Variants in PARD3B observed in about 807,000 individuals in gnomAD.
PARD3B encodes the protein partitioning defective 3 homolog B.
In PARD3B, 103 loss-of-function variants were observed where a neutral mutation model predicts 130.2. That is an observed-to-expected ratio of 0.79 (90% CI 0.67 to 0.93). PARD3B has a LOEUF of 0.93. Among genes scored for constraint, PARD3B ranks in the 40% least tolerant of loss-of-function variants. The pLI is 0.00. For synonymous variants in PARD3B, 583 were observed against 553.2 expected (o/e 1.05, Z -0.76); for missense variants, 1,609 against 1,499.2 (o/e 1.07, Z -1.21).
chr2:204,998,358 A>G (rs112018487), intron 3 of PARD3B, among the ~76,000 whole-genome samples: 31,106 of 69,686 alleles, frequency 0.45, 7,014 homozygotes, highest in Middle Eastern at 0.62. Context: ...ATATATATAT[A>G]TGTGTGTGTG....
intron 20 of PARD3B, among the ~76,000 whole-genome samples, chr2:205,483,101 C>CCT (rs1559136025): frequency 6.6e-6 from 1 of 152,066 alleles, no homozygotes; most frequent in Non-Finnish European, 1.5e-5. Context: ...CAAGTGCATG[C>CCT]CTCTCTCTCT....
chr2:205,059,069 G>A (rs1699909233), intron 4 of PARD3B, among the ~76,000 whole-genome samples: 1 of 151,804 alleles, frequency 6.6e-6, no homozygotes, highest in South Asian at 2.1e-4. Flanking sequence ...TTGGCTCTTA[G>A]GTTTAGGTCT....
At chr2:205,531,876 C>T (rs533689267) in intron 21 of PARD3B, among the ~76,000 whole-genome samples, 16 of 152,190 alleles carry the variant, frequency 1.1e-4, no homozygotes, top group East Asian at 5.8e-4. Context: ...ATGATTTGCA[C>T]GCTCTCCGCA....
At chr2:205,161,672 C>T (rs2034515001) in intron 11 of PARD3B, among the ~76,000 whole-genome samples, 1 of 152,182 alleles carries the variant, frequency 6.6e-6, no homozygotes, top group African/African-American at 2.4e-5. Context: ...ACACATGTAA[C>T]AGACTACAGT....
chr2:205,481,497 G>A (rs6760559), intron 20 of PARD3B, among the ~76,000 whole-genome samples: 12,454 of 152,230 alleles, frequency 0.082, 547 homozygotes, highest in African/African-American at 0.12. Context: ...AACCGGGCTC[G>A]TGGAAGAAGG....
intron 18 of PARD3B, among the ~76,000 whole-genome samples, chr2:205,311,229 T>A (rs546258923): frequency 6.6e-6 from 1 of 152,298 alleles, no homozygotes; most frequent in Admixed American, 6.5e-5. Context: ...TCTTTTTAAA[T>A]TTTTGAGTAA....
At chr2:204,741,243 C>A (rs1006389838) in intron 2 of PARD3B, among the ~76,000 whole-genome samples, 3 of 152,144 alleles carry the variant, frequency 2.0e-5, no homozygotes, top group African/African-American at 7.2e-5. Context: ...GAAAAAGATA[C>A]AATTAGTATT....
At chr2:204,550,983 G>A (rs773980540) in intron 1 of PARD3B, among the ~76,000 whole-genome samples, 25 of 152,262 alleles carry the variant, frequency 1.6e-4, no homozygotes, top group Non-Finnish European at 3.2e-4. Flanking sequence ...AATTGATTGG[G>A]CACTGACTTA....
chr2:204,687,635 G>C (rs987603739), intron 2 of PARD3B, among the ~76,000 whole-genome samples: 2 of 152,058 alleles, frequency 1.3e-5, no homozygotes, highest in African/African-American at 4.8e-5. Flanking sequence ...TTGGTCTCAG[G>C]GTAAATAAAA....
At chr2:204,895,128 T>TG (rs949607920) in intron 2 of PARD3B, among the ~76,000 whole-genome samples, 1 of 152,066 alleles carries the variant, frequency 6.6e-6, no homozygotes, top group Non-Finnish European at 1.5e-5. Flanking sequence ...GCATTTATGT[T>TG]GGGAAAAATC....
intron 10 of PARD3B, among the ~76,000 whole-genome samples, chr2:205,145,168 A>G (rs1358616439): frequency 6.6e-6 from 1 of 152,102 alleles, no homozygotes; most frequent in Non-Finnish European, 1.5e-5. Context: ...ACATATACCT[A>G]AACTTGAGGT....
intron 19 of PARD3B, among the ~76,000 whole-genome samples, chr2:205,433,290 T>C (rs938310632): frequency 6.6e-6 from 1 of 152,198 alleles, no homozygotes; most frequent in Admixed American, 6.5e-5. Context: ...CCCAGCACTT[T>C]GGGAGGCCAA....
intron 3 of PARD3B, among the ~76,000 whole-genome samples, chr2:205,024,745 T>G (rs1271817198): frequency 6.6e-6 from 1 of 152,208 alleles, no homozygotes; most frequent in African/African-American, 2.4e-5. Flanking sequence ...CCAGAGCAGA[T>G]TATGCATATC....
intron 21 of PARD3B, among the ~76,000 whole-genome samples, chr2:205,522,732 A>G (rs2051133699): frequency 6.6e-6 from 1 of 152,156 alleles, no homozygotes; most frequent in African/African-American, 2.4e-5. Flanking sequence ...ACCGATTATT[A>G]TACACACAAT....
rs1164677531 is a variant in PARD3B at position 205,564,467 on chromosome 2, T to C, written c.3260+11064T>C. Among the ~76,000 whole-genome samples, 1 of 152,260 alleles carries C rather than the reference T, an allele frequency of 6.6e-6. No individual in the cohort carries two copies. The highest frequency in any genetic ancestry group is 1.9e-4 in the East Asian group (1 of 5,198). ...TTTTGCTTAAAGACTGCCTCTGTGTTATGCTAGTGAGTTAAATATATATAC... is the reference window on the plus strand; with the variant it reads ...TTTTGCTTAAAGACTGCCTCTGTGTCATGCTAGTGAGTTAAATATATATAC... On this transcript the variant is annotated intron_variant, in intron 22 of 22. Transcript: ENST00000406610. The surrounding 1 kb of genome is among the most constrained non-coding windows in gnomAD (Gnocchi z 4.6).
At chr2:205,464,314 A>T (rs1439923915) in intron 20 of PARD3B, among the ~76,000 whole-genome samples, 1 of 152,210 alleles carries the variant, frequency 6.6e-6, no homozygotes, top group African/African-American at 2.4e-5. Context: ...TGAGCTACCT[A>T]AAAGTTGGTT....
chr2:205,137,989 G>C (rs2032629767), intron 10 of PARD3B, among the ~76,000 whole-genome samples: 1 of 152,212 alleles, frequency 6.6e-6, no homozygotes, highest in South Asian at 2.1e-4. Context: ...GATGGAAAGA[G>C]CACCAAATCA....
chr2:204,910,328 T>C (rs1397420878), intron 2 of PARD3B, among the ~76,000 whole-genome samples: 1 of 152,210 alleles, frequency 6.6e-6, no homozygotes. Flanking sequence ...TATATTTGTT[T>C]TAAAGAACAG....
At chr2:205,031,016 G>C (rs1226928805) in intron 3 of PARD3B, among the ~76,000 whole-genome samples, 1 of 152,110 alleles carries the variant, frequency 6.6e-6, no homozygotes, top group Non-Finnish European at 1.5e-5. Flanking sequence ...ACTTTTGAAA[G>C]TGACCAAGGT....
Sources: allele counts gnomAD v4.1 joint callset (sites outside exome capture counted in the v4.1 genomes callset), GRCh38; gene constraint gnomAD v4.1.1; non-coding constraint Gnocchi (gnomAD v3.1); transcripts MANE v1.5; gene names NCBI Gene and HGNC (gene_info 2026-07-23, HGNC 2026-07-21).